Variants in WDPCP observed in about 807,000 individuals in gnomAD.
The protein encoded by WDPCP is WD repeat containing planar cell polarity effector.
Under a neutral mutation model 93.1 loss-of-function variants are expected in WDPCP, and 71 were observed. The observed-to-expected ratio is 0.76, with a 90% CI of 0.63 to 0.93. WDPCP has a LOEUF of 0.93. WDPCP is among the 40% of genes least tolerant of loss of function. WDPCP has a pLI of 0.00. For missense variants in WDPCP, 844 were observed against 887.4 expected (o/e 0.95, Z 0.62); for synonymous variants, 315 against 315.0 (o/e 1.00, Z 0.00).
At chr2:63,334,329 G>A (rs1186875375) in intron 12 of WDPCP, among the ~76,000 whole-genome samples, 1 of 152,136 alleles carries the variant, frequency 6.6e-6, no homozygotes, top group Non-Finnish European at 1.5e-5. Context: ...AGCATCAGAA[G>A]GTTCTGATAT....
chr2:63,802,102 T>A (rs1466668912), intron 2 of WDPCP, among the ~76,000 whole-genome samples: 1 of 151,938 alleles, frequency 6.6e-6, no homozygotes, highest in African/African-American at 2.4e-5. Context: ...TCTCCTCTAT[T>A]TTTTCTGAAT....
chr2:63,822,079 T>C (rs1671034271), intron 1 of WDPCP, among the ~76,000 whole-genome samples: 1 of 152,130 alleles, frequency 6.6e-6, no homozygotes, highest in African/African-American at 2.4e-5. Flanking sequence ...AAAGGGAAAA[T>C]ATGGGGAATA....
In WDPCP at chr2:63,404,504, G is replaced by A. The variant is rs182144885; in HGVS notation, c.979C>T (p.Gln327Ter). ...CIYECIRNKI[Q>*]CVSVTRIPLK... is the part of the protein sequence containing the mutation. ...GGTATTCTGGTGACTGACACACACT[G>A]GATTTTATTCCGAATGCATTCATAG... Residue 327 changes from glutamine (Q) to a stop codon, truncating the protein, a stop_gained, in exon 10 of 18, where the codon CAG (glutamine) becomes TAG (stop). Transcript: ENST00000272321. LOFTEE classifies it high-confidence loss of function. 1.9e-5 allele frequency: 30 copies of A among 1,613,920 alleles called. No homozygotes were observed. In the Admixed American group the frequency reaches 4.0e-4, roughly 22 times the overall value.
At chr2:63,654,541 G>A (rs1032967926) in intron 2 of WDPCP, among the ~76,000 whole-genome samples, 8 of 152,100 alleles carry the variant, frequency 5.3e-5, no homozygotes, top group Non-Finnish European at 1.0e-4. Flanking sequence ...TCCTTTCAGA[G>A]GAAAAGCTTG....
chr2:63,424,514 C>A, intron 9 of WDPCP, among the ~76,000 whole-genome samples: 1 of 152,166 alleles, frequency 6.6e-6, no homozygotes, highest in East Asian at 1.9e-4. Context: ...ACTGCCCAGC[C>A]TGAGTGCTTT....
At chr2:63,568,827 C>T (rs970402700) in intron 1 of WDPCP, among the ~76,000 whole-genome samples, 1 of 152,186 alleles carries the variant, frequency 6.6e-6, no homozygotes, top group African/African-American at 2.4e-5. Flanking sequence ...TTGCTTGGAC[C>T]AGTATAAGCA....
At chr2:63,288,952 T>TC (rs2104996350) in intron 13 of WDPCP, among the ~76,000 whole-genome samples, 1 of 152,222 alleles carries the variant, frequency 6.6e-6, no homozygotes, top group East Asian at 1.9e-4. Context: ...CATTTTTTTT[T>TC]CAAGAATACC....
chr2:63,165,158 A>G (rs1672874260), intron 15 of WDPCP, among the ~76,000 whole-genome samples: 1 of 152,210 alleles, frequency 6.6e-6, no homozygotes, highest in African/African-American at 2.4e-5. Flanking sequence ...CAAAGTGGAA[A>G]CTTTAAAAGA....
chr2:63,816,159 C>T (rs1369217148), intron 1 of WDPCP, among the ~76,000 whole-genome samples: 1 of 151,948 alleles, frequency 6.6e-6, no homozygotes, highest in Non-Finnish European at 1.5e-5. Context: ...GAAAATTAAT[C>T]ACATTTTATA....
intron 3 of WDPCP, among the ~76,000 whole-genome samples, chr2:63,646,609 A>G (rs1710053926): frequency 6.6e-6 from 1 of 152,028 alleles, no homozygotes; most frequent in Admixed American, 6.6e-5. Context: ...GAAATCCCTC[A>G]GCTTTTGTTC....
chr2:63,599,025 A>AT (rs1709371337), intron 3 of WDPCP: 1 of 564,470 alleles, frequency 1.8e-6, no homozygotes, highest in Admixed American at 3.5e-5. Flanking sequence ...CTTAAAATGC[A>AT]TTTTCCTATG....
chr2:63,437,785 A>G (rs1203418730), intron 7 of WDPCP: 2 of 1,442,758 alleles, frequency 1.4e-6, no homozygotes, highest in African/African-American at 1.4e-5. Context: ...ATATACACTG[A>G]TATTTGGGGA....
At chr2:63,529,242 C>T (rs1703616756) in intron 1 of WDPCP, among the ~76,000 whole-genome samples, 1 of 152,122 alleles carries the variant, frequency 6.6e-6, no homozygotes, top group African/African-American at 2.4e-5. Flanking sequence ...CCAGAACTTC[C>T]AACACTATGT....
chr2:63,244,060 T>C (rs543766029), intron 14 of WDPCP, among the ~76,000 whole-genome samples: 3 of 151,916 alleles, frequency 2.0e-5, no homozygotes, highest in Non-Finnish European at 2.9e-5. Context: ...GCAATAAAAA[T>C]AGAAATCAAT....
chr2:63,189,330 T>G (rs4671464), intron 14 of WDPCP, among the ~76,000 whole-genome samples: 150,867 of 152,274 alleles, frequency 0.99, 74,737 homozygotes, highest in Middle Eastern at 1. Context: ...CCAAGGGAGG[T>G]GTCAGGCAAG....
chr2:63,263,335 C>A (rs1162964179), intron 13 of WDPCP, among the ~76,000 whole-genome samples: 2 of 152,154 alleles, frequency 1.3e-5, no homozygotes, highest in Middle Eastern at 3.2e-3. Context: ...GAAGGTGGGG[C>A]CCTTAAGAGA....
intron 14 of WDPCP, chr2:63,228,958 T>C (rs1481744322): frequency 6.6e-6 from 1 of 152,188 alleles, no homozygotes; most frequent in East Asian, 1.9e-4. Flanking sequence ...AGTAATGGGA[T>C]GGCTGGGTCA....
chr2:63,125,928 TA>T (rs1669871151), intron 17 of WDPCP, among the ~76,000 whole-genome samples: 1 of 148,280 alleles, frequency 6.7e-6, no homozygotes, highest in Non-Finnish European at 1.5e-5. Context: ...AGTTTTTTTT[TA>T]CACAAGCTTT....
intron 14 of WDPCP, among the ~76,000 whole-genome samples, chr2:63,256,154 C>T (rs1243606783): frequency 1.3e-5 from 2 of 152,128 alleles, no homozygotes; most frequent in Non-Finnish European, 2.9e-5. Flanking sequence ...TCAGCCCCCA[C>T]TGTTTTTGTT....
Sources: gnomAD v4.1 joint callset for allele counts (sites outside exome capture counted in the v4.1 genomes callset) on GRCh38, gnomAD v4.1.1 for gene constraint, MANE v1.5 for transcripts, NCBI Gene and HGNC (gene_info 2026-07-23, HGNC 2026-07-21) for gene names.